The following ANXA8 variants were observed in gnomAD, a reference collection of about 807,000 sequenced individuals.
The protein encoded by ANXA8 is VAC-beta.
A neutral mutation model predicts 26.8 loss-of-function variants in ANXA8; 9 were observed. The ratio of observed to expected loss-of-function variants is 0.34; its 90% CI spans 0.20 to 0.59. The LOEUF is 0.59. ANXA8 is among the 20% of genes least tolerant of loss of function. The probability of loss-of-function intolerance (pLI) is 0.84; values close to 1 mark genes in which losing one functional copy is unlikely to be tolerated. For synonymous variants in ANXA8, 39 were observed against 94.8 expected (o/e 0.41, Z 3.42); for missense variants, 83 against 238.5 (o/e 0.35, Z 4.29).
At chr10:47,762,597 G>A in the ANXA8 span, 1 of 440,524 alleles carries the variant, frequency 2.3e-6, no homozygotes, top group Non-Finnish European at 3.6e-6. Context: ...GGTCGCAGAG[G>A]GGCCGGGGCT....
the ANXA8 span, among the ~76,000 whole-genome samples, chr10:47,699,344 C>CAAAAAAAAAAAAAAAAAA: frequency 1.8e-5 from 1 of 54,204 alleles, no homozygotes; most frequent in Non-Finnish European, 3.4e-5. Context: ...ATTCTGTCTC[C>CAAAAAAAAAAAAAAAAAA]AAAAAAAAAA....
chr10:47,689,435 C>A, the ANXA8 span, among the ~76,000 whole-genome samples: 1 of 151,860 alleles, frequency 6.6e-6, no homozygotes, highest in Non-Finnish European at 1.5e-5. Context: ...CTCGGCCTCC[C>A]AAAGAGCTGG....
the ANXA8 span, among the ~76,000 whole-genome samples, chr10:47,647,132 A>C: frequency 1.3e-5 from 2 of 152,258 alleles, no homozygotes; most frequent in East Asian, 3.8e-4. Flanking sequence ...TGCTCTAGAC[A>C]TGTGATTCTC....
the ANXA8 span, among the ~76,000 whole-genome samples, chr10:47,743,006 A>AAG: frequency 7.0e-6 from 1 of 142,368 alleles, no homozygotes; most frequent in African/African-American, 2.6e-5. Context: ...AAAAAAAAAA[A>AAG]AAAAAATACA....
the ANXA8 span, among the ~76,000 whole-genome samples, chr10:47,651,024 G>A: frequency 2.0e-5 from 3 of 151,108 alleles, no homozygotes; most frequent in Admixed American, 6.6e-5. Flanking sequence ...CTTGAGCCCA[G>A]AAGTTAGAGA....
At chr10:47,741,863 A>G in the ANXA8 span, among the ~76,000 whole-genome samples, 6 of 135,532 alleles carry the variant, frequency 4.4e-5, no homozygotes, top group African/African-American at 8.1e-5. Flanking sequence ...TTTTTGAGAC[A>G]GAGTTTTGCT....
the ANXA8 span, among the ~76,000 whole-genome samples, chr10:47,611,796 A>G: frequency 1.5e-5 from 1 of 67,336 alleles, no homozygotes. Flanking sequence ...CAGCAGGTTG[A>G]AATTTATTGA....
At chr10:47,580,616 AC>A in the ANXA8 span, among the ~76,000 whole-genome samples, 4,688 of 150,306 alleles carry the variant, frequency 0.031, 284 homozygotes, top group African/African-American at 0.11. Flanking sequence ...GGTGGTGAAT[AC>A]CTGTAGCCCC....
At chr10:47,940,901 A>AGG in the ANXA8 span, among the ~76,000 whole-genome samples, 1 of 140,384 alleles carries the variant, frequency 7.1e-6, no homozygotes, top group Non-Finnish European at 1.5e-5. Flanking sequence ...AGAGAAAGAG[A>AGG]GGGAGAGAGA....
At chr10:47,986,596 G>A in the ANXA8 span, 1 of 359,472 alleles carries the variant, frequency 2.8e-6, no homozygotes, top group Admixed American at 3.8e-5. Context: ...CAGTGCAGTT[G>A]AAGTGGCTTT....
chr10:47,940,129 C>T, the ANXA8 span, among the ~76,000 whole-genome samples: 2 of 151,308 alleles, frequency 1.3e-5, no homozygotes, highest in Non-Finnish European at 2.9e-5. Flanking sequence ...GTCTGCATCC[C>T]TGGATTTTGC....
At chr10:47,907,177 A>G in the ANXA8 span, among the ~76,000 whole-genome samples, 1 of 151,624 alleles carries the variant, frequency 6.6e-6, no homozygotes, top group Non-Finnish European at 1.5e-5. Flanking sequence ...AACACGGTGA[A>G]ACCCCGTCTC....
upstream of ANXA8, chr10:47,487,132 C>T (rs1450016956): frequency 1.1e-4 from 156 of 1,408,244 alleles, no homozygotes; most frequent in Non-Finnish European, 1.4e-4. Context: ...TAAGTGTACA[C>T]CATAAATATG....
chr10:47,530,687 C>T, the ANXA8 span, among the ~76,000 whole-genome samples: 88 of 141,422 alleles, frequency 6.2e-4, no homozygotes, highest in African/African-American at 2.2e-3. Context: ...AGTGAGACTC[C>T]CTCTCAAAAA....
At chr10:47,492,729 C>G in the ANXA8 span, among the ~76,000 whole-genome samples, 1 of 140,194 alleles carries the variant, frequency 7.1e-6, no homozygotes, top group Non-Finnish European at 1.5e-5. Flanking sequence ...GCAGTGAGCT[C>G]TGACCAACTG....
At chr10:47,607,203 G>GTATATAACTA in the ANXA8 span, among the ~76,000 whole-genome samples, 1 of 142,214 alleles carries the variant, frequency 7.0e-6, no homozygotes, top group South Asian at 2.3e-4. Flanking sequence ...GTGTATGTGG[G>GTATATAACTA]AATTGGTTAT....
chr10:47,526,676 T>C, the ANXA8 span, among the ~76,000 whole-genome samples: 1 of 129,600 alleles, frequency 7.7e-6, no homozygotes, highest in Non-Finnish European at 1.6e-5. Flanking sequence ...CATTCAACCA[T>C]AAAAAGGTGA....
At chr10:47,768,764 G>T in the ANXA8 span, among the ~76,000 whole-genome samples, 1 of 151,820 alleles carries the variant, frequency 6.6e-6, no homozygotes, top group Non-Finnish European at 1.5e-5. Context: ...ACGGACTGCT[G>T]GTGGAGGTGC....
the ANXA8 span, among the ~76,000 whole-genome samples, chr10:47,586,264 T>C: frequency 2.1e-5 from 3 of 144,728 alleles, 1 homozygote; most frequent in East Asian, 1.9e-4. Flanking sequence ...TCAGATAACC[T>C]TGGCCTGTGC....
Sources: gnomAD v4.1 joint callset for allele counts (sites outside exome capture counted in the v4.1 genomes callset) on GRCh38, gnomAD v4.1.1 for gene constraint, MANE v1.5 for transcripts, NCBI Gene and HGNC (gene_info 2026-07-23, HGNC 2026-07-21) for gene names.